Variants in PTPRN2 observed in about 807,000 individuals in gnomAD.
PTPRN2 encodes the protein receptor-type tyrosine-protein phosphatase N2.
A neutral mutation model predicts 118.8 loss-of-function variants in PTPRN2; 74 were observed. That is an observed-to-expected ratio of 0.62 (90% CI 0.52 to 0.76). The LOEUF is 0.76. Among genes scored for constraint, PTPRN2 ranks in the 30% least tolerant of loss-of-function variants. The pLI, the probability that PTPRN2 is intolerant of heterozygous loss-of-function variation, is 0.00. For synonymous variants in PTPRN2, 641 were observed against 608.0 expected (o/e 1.05, Z -0.80); for missense variants, 1,481 against 1,394.4 (o/e 1.06, Z -0.99).
chr7:157,728,697 A>G (rs1799730603), intron 12 of PTPRN2, among the ~76,000 whole-genome samples: 1 of 152,172 alleles, frequency 6.6e-6, no homozygotes, highest in Non-Finnish European at 1.5e-5. Context: ...CCTGGCTGCT[A>G]TTATCAAAAG....
intron 14 of PTPRN2, among the ~76,000 whole-genome samples, chr7:157,644,455 T>C (rs1021565718): frequency 1.3e-5 from 2 of 152,152 alleles, no homozygotes; most frequent in African/African-American, 4.8e-5. Context: ...AGACCTCACA[T>C]AGCCAGCATA....
chr7:157,777,035 C>T (rs1052956775), intron 12 of PTPRN2, among the ~76,000 whole-genome samples: 2 of 143,772 alleles, frequency 1.4e-5, no homozygotes, highest in Admixed American at 1.4e-4. Flanking sequence ...CCTCCTCCTC[C>T]CTACCTCTCC....
chr7:157,994,879 A>G (rs1264542483), intron 11 of PTPRN2, among the ~76,000 whole-genome samples: 1 of 9,848 alleles, frequency 1.0e-4, no homozygotes, highest in Non-Finnish European at 2.0e-4. Flanking sequence ...CCTAAAATCA[A>G]CGCCGTGTCC....
In PTPRN2 at chr7:158,525,108, T is replaced by C. The variant is rs1011643519; in HGVS notation, c.113-35323A>G. 6.6e-6 allele frequency among the ~76,000 whole-genome samples: 1 copy of C among 152,080 alleles called. No individual in the cohort carries two copies. The highest frequency in any genetic ancestry group is 2.4e-5 in the African/African-American group (1 of 41,384). ...ACTGAACCCTCAAGCTGGCCCTCCATGCGAAGAAATGCTGCGTCCCAGGCC... is the reference window on the plus strand; with the variant it reads ...ACTGAACCCTCAAGCTGGCCCTCCACGCGAAGAAATGCTGCGTCCCAGGCC... On this transcript the variant is annotated intron_variant, in intron 1 of 22. Transcript: ENST00000389418. This position sits in a 1 kb window ranked among gnomAD's most constrained non-coding sequence, Gnocchi z 4.1.
chr7:158,083,132 T>C (rs188455154), intron 10 of PTPRN2, among the ~76,000 whole-genome samples: 5 of 152,304 alleles, frequency 3.3e-5, no homozygotes, highest in African/African-American at 1.2e-4. Context: ...CCTGAGTGCC[T>C]GATATTTAGT....
intron 19 of PTPRN2, among the ~76,000 whole-genome samples, chr7:157,575,032 A>C (rs1799956923): frequency 6.6e-6 from 1 of 152,216 alleles, no homozygotes; most frequent in South Asian, 2.1e-4. Flanking sequence ...CCCTGGAGCA[A>C]GGGAAATTTG....
intron 2 of PTPRN2, among the ~76,000 whole-genome samples, chr7:158,338,772 C>G (rs1269126173): frequency 4.7e-5 from 1 of 21,074 alleles, no homozygotes; most frequent in Admixed American, 3.8e-4. Context: ...CACCCACACT[C>G]TCACCATAAG....
In PTPRN2 at chr7:157,944,249, G is replaced by A. The variant is rs940296212; in HGVS notation, c.1724-45512C>T. Among the ~76,000 whole-genome samples the A allele has an allele frequency of 1.3e-5, 2 of 152,088 alleles. No individual in the cohort carries two copies. The highest frequency in any genetic ancestry group is 6.5e-5 in the Admixed American group (1 of 15,272). ...TGACAAAGATTGAGCATGGTTCGTC[G>A]CGAACGCCAGCCTGCCCCCACGGTC... On this transcript the variant is annotated intron_variant, in intron 11 of 22. Transcript: ENST00000389418. The surrounding 1 kb of genome is among the most constrained non-coding windows in gnomAD (Gnocchi z 4.3).
At chr7:157,662,060 T>A (rs1367996070) in intron 13 of PTPRN2, among the ~76,000 whole-genome samples, 3 of 152,200 alleles carry the variant, frequency 2.0e-5, no homozygotes, top group Admixed American at 2.0e-4. Context: ...AGTCATTGAC[T>A]CATTCACTCA....
rs373026288 is a variant in PTPRN2, at chr7:157,622,971, C to A, written c.2197-1462G>T. On this transcript the variant is annotated intron_variant, in intron 14 of 22. Coordinates refer to ENST00000389418, the MANE Select transcript of PTPRN2 (RefSeq NM_002847.5). The surrounding 1 kb of genome is among the most constrained non-coding windows in gnomAD (Gnocchi z 5.3). Reference sequence around the variant, plus strand: ...CAGGGCTGCTCTGAGCCAAAGCGAACGAGTTCATCTACTCCCGTCACCAGC... The same window carrying A: ...CAGGGCTGCTCTGAGCCAAAGCGAAAGAGTTCATCTACTCCCGTCACCAGC... Among the ~76,000 whole-genome samples, 1 of 152,214 alleles carries A rather than the reference C, an allele frequency of 6.6e-6. No individual in the cohort carries two copies. Among genetic ancestry groups the A allele is most frequent in the Non-Finnish European group, 1.5e-5 (1 of 68,040 alleles).
intron 13 of PTPRN2, among the ~76,000 whole-genome samples, chr7:157,681,553 A>G (rs1796916795): frequency 6.6e-6 from 1 of 152,210 alleles, no homozygotes; most frequent in Non-Finnish European, 1.5e-5. Context: ...CAATGGCAAT[A>G]CCAGGAATTT....
At position 158,133,658 on chromosome 7, in the gene PTPRN2, A is replaced by G; in HGVS notation, c.1556+19T>C. ...GCCCTCCCTCGGCACACAGGAGCTT[A>G]GCCAGGGCTGCTACTCACTCTCTGT... is the stretch of plus-strand genomic sequence containing the variant. On this transcript the variant is annotated intron_variant, in intron 9 of 22. Transcript: ENST00000389418. The G allele has an allele frequency of 6.5e-7, 1 of 1,548,804 alleles. No individual in the cohort carries two copies. The highest frequency in any genetic ancestry group is 8.7e-7 in the Non-Finnish European group (1 of 1,150,700).
At chr7:158,145,918 C>T (rs1250147468) in intron 6 of PTPRN2, among the ~76,000 whole-genome samples, 5 of 152,202 alleles carry the variant, frequency 3.3e-5, no homozygotes, top group Admixed American at 3.3e-4. Flanking sequence ...GGCAAGCTCG[C>T]TCATTTCTTC....
At chr7:158,490,054 G>A (rs917675035) in intron 1 of PTPRN2, among the ~76,000 whole-genome samples, 2 of 152,296 alleles carry the variant, frequency 1.3e-5, no homozygotes, top group South Asian at 2.1e-4. Flanking sequence ...TCAAGCCGGC[G>A]TCATCACAGG....
chr7:158,315,548 G>A lies in PTPRN2; in HGVS notation c.277+1271C>T, dbSNP rs115042700. ...ACCCCTGAAGGACAGAGGTGAACCCGGGACCCCTGAAGAACAGAGGTGATT... is the reference window on the plus strand; with the variant it reads ...ACCCCTGAAGGACAGAGGTGAACCCAGGACCCCTGAAGAACAGAGGTGATT... On this transcript the variant is annotated intron_variant, in intron 3 of 22. Transcript: ENST00000389418. Among the ~76,000 whole-genome samples, 1,154 of 150,430 alleles carry A rather than the reference G, an allele frequency of 7.7e-3. 30 individuals are homozygous for A. The highest frequency in any genetic ancestry group is 0.027 in the African/African-American group (1,099 of 40,864).
intron 3 of PTPRN2, among the ~76,000 whole-genome samples, chr7:158,310,426 G>A (rs796322275): frequency 6.6e-6 from 1 of 152,270 alleles, no homozygotes; most frequent in African/African-American, 2.4e-5. Flanking sequence ...TGGAGAAGAG[G>A]CTGTGCTCCT....
chr7:158,538,196 T>C (rs1226245162), intron 1 of PTPRN2, among the ~76,000 whole-genome samples: 1 of 152,196 alleles, frequency 6.6e-6, no homozygotes, highest in African/African-American at 2.4e-5. Context: ...GTAAGTGGCT[T>C]TGTTTCTGGA....
At chr7:157,816,999 C>T (rs930823656) in intron 12 of PTPRN2, among the ~76,000 whole-genome samples, 18 of 152,226 alleles carry the variant, frequency 1.2e-4, no homozygotes, top group African/African-American at 7.2e-5. Context: ...CTCTGGCCTC[C>T]GGCCAGTCTC....
At chr7:158,130,701 AAC>A (rs60270393) in intron 9 of PTPRN2, among the ~76,000 whole-genome samples, 11 of 148,100 alleles carry the variant, frequency 7.4e-5, no homozygotes, top group Middle Eastern at 3.6e-3. Context: ...ACATCTACCC[AAC>A]ACACACTCAT....
Sources: allele counts gnomAD v4.1 joint callset (sites outside exome capture counted in the v4.1 genomes callset), GRCh38; gene constraint gnomAD v4.1.1; non-coding constraint Gnocchi (gnomAD v3.1); transcripts MANE v1.5; gene names NCBI Gene and HGNC (gene_info 2026-07-23, HGNC 2026-07-21).